Variants in MTUS1 observed in about 807,000 individuals in gnomAD.
MTUS1 encodes the protein microtubule associated scaffold protein 1, also known as microtubule-associated tumor suppressor 1.
In MTUS1, 109 loss-of-function variants were observed where a neutral mutation model predicts 120.8. The ratio of observed to expected loss-of-function variants is 0.90; its 90% CI spans 0.77 to 1.06. MTUS1 has a LOEUF of 1.06. Among genes scored for constraint, MTUS1 ranks in the 50% least tolerant of loss-of-function variants. The probability of loss-of-function intolerance (pLI) is 0.00; values close to 1 mark genes in which losing one functional copy is unlikely to be tolerated. For synonymous variants in MTUS1, 737 were observed against 550.5 expected (o/e 1.34, Z -4.74); for missense variants, 2,210 against 1,486.3 (o/e 1.49, Z -8.01).
In MTUS1 at chr8:17,655,826, G is replaced by A. The variant is rs927390611; in HGVS notation, c.3108+37C>T. ...GCAACCAGGATTCAAGTAAGCAGCAGAGGCCTCAGACAAGCTCTGGCTGCA... is the reference window on the plus strand; with the variant it reads ...GCAACCAGGATTCAAGTAAGCAGCAAAGGCCTCAGACAAGCTCTGGCTGCA... On this transcript the variant is annotated intron_variant, in intron 9 of 14. Coordinates refer to ENST00000693296, the MANE Select transcript of MTUS1 (RefSeq NM_001363059.2). 1.6e-5 allele frequency: 26 copies of A among 1,583,328 alleles called. No homozygotes were observed. The Admixed American group carries it at 3.0e-4, about 18-fold the overall frequency.
At chr8:17,677,549 T>C (rs10503602) in intron 7 of MTUS1, among the ~76,000 whole-genome samples, 72,745 of 152,046 alleles carry the variant, frequency 0.48, 20,151 homozygotes, top group Middle Eastern at 0.66. Context: ...GAAATCATTA[T>C]GTTCTACTGC....
intron 6 of MTUS1, 73 bp downstream of exon 6, chr8:17,713,141 A>G: frequency 8.2e-7 from 1 of 1,213,708 alleles, no homozygotes; most frequent in South Asian, 1.3e-5. Context: ...GTAAAAAATC[A>G]CTGTAAATAC....
intron 1 of MTUS1, among the ~76,000 whole-genome samples, chr8:17,780,037 TG>T (rs1445489320): frequency 1.3e-5 from 2 of 152,200 alleles, no homozygotes; most frequent in East Asian, 3.9e-4. Context: ...TGGGGCCTGG[TG>T]GGAGATGACT....
At chr8:17,739,665 G>C (rs1239724175) in intron 3 of MTUS1, among the ~76,000 whole-genome samples, 1 of 152,092 alleles carries the variant, frequency 6.6e-6, no homozygotes, top group African/African-American at 2.4e-5. Flanking sequence ...CTTTTCTGTG[G>C]AAGATTCCTT....
chr8:17,714,999 G>A (rs574834948), intron 5 of MTUS1, among the ~76,000 whole-genome samples: 1 of 143,558 alleles, frequency 7.0e-6, no homozygotes, highest in Admixed American at 7.5e-5. Flanking sequence ...TCTGCCTCCT[G>A]GGTTCAAGCA....
chr8:17,786,847 G>C (rs1191368697), intron 1 of MTUS1, among the ~76,000 whole-genome samples: 1 of 152,164 alleles, frequency 6.6e-6, no homozygotes, highest in Non-Finnish European at 1.5e-5. Flanking sequence ...TATCACAAGA[G>C]ACTTTCGCTC....
intron 1 of MTUS1, among the ~76,000 whole-genome samples, chr8:17,760,083 G>A (rs1034618706): frequency 6.8e-6 from 1 of 147,300 alleles, no homozygotes; most frequent in East Asian, 2.0e-4. Flanking sequence ...TAGCACGGTG[G>A]TGCATGCCTG....
At chr8:17,760,798 G>C (rs1400394842) in intron 1 of MTUS1, among the ~76,000 whole-genome samples, 1 of 132,164 alleles carries the variant, frequency 7.6e-6, no homozygotes, top group African/African-American at 2.8e-5. Context: ...CAGAGAGTGT[G>C]CTGGAGGGAA....
chr8:17,723,688 G>A lies in MTUS1; in HGVS notation c.2433C>T (p.Ser811=), dbSNP rs888740148. 6.2e-7 allele frequency: 1 copy of A among 1,610,588 alleles called. No homozygotes were observed. Among genetic ancestry groups the A allele is most frequent in the Non-Finnish European group, 8.5e-7 (1 of 1,177,552 alleles). The change falls in exon 4 of 15, where the codon AGC becomes AGT. Residue 811 remains serine, a synonymous_variant. Transcript: ENST00000693296. The part of the protein sequence containing the change: ...PSIASTHSEL[S]TYSNNSGNAA... ...TCGACTTACAATTGTTGCTGTAAGT[G>A]CTCAGCTCACTGTGGGTGCTGGCTA... is the stretch of plus-strand genomic sequence containing the variant.
chr8:17,733,244 G>C (rs770076882), intron 3 of MTUS1, among the ~76,000 whole-genome samples: 2 of 151,864 alleles, frequency 1.3e-5, no homozygotes, highest in South Asian at 2.1e-4. Flanking sequence ...TCAGCTACTC[G>C]GTAGGCTGAG....
At chr8:17,784,928 G>C (rs1353648487) in intron 1 of MTUS1, among the ~76,000 whole-genome samples, 1 of 151,972 alleles carries the variant, frequency 6.6e-6, no homozygotes, top group African/African-American at 2.4e-5. Flanking sequence ...GGGATTATAA[G>C]TGTGCACCAC....
chr8:17,726,680 T>C (rs754715460), intron 3 of MTUS1, among the ~76,000 whole-genome samples: 2 of 152,202 alleles, frequency 1.3e-5, no homozygotes, highest in African/African-American at 2.4e-5. Context: ...AACTGTTAGA[T>C]AGCAAATACA....
At chr8:17,717,214 G>T (rs1036208252) in intron 4 of MTUS1, among the ~76,000 whole-genome samples, 1 of 152,154 alleles carries the variant, frequency 6.6e-6, no homozygotes. Context: ...AATCAACACA[G>T]AGCTTTCCCT....
intron 1 of MTUS1, among the ~76,000 whole-genome samples, chr8:17,776,908 T>C (rs1171855990): frequency 6.6e-6 from 1 of 152,132 alleles, no homozygotes; most frequent in African/African-American, 2.4e-5. Flanking sequence ...AAGACCTAAT[T>C]GTAATTGCGC....
At chr8:17,724,766 C>CT (rs1255181953) in intron 3 of MTUS1, among the ~76,000 whole-genome samples, 4 of 152,158 alleles carry the variant, frequency 2.6e-5, no homozygotes, top group African/African-American at 9.7e-5. Context: ...ATTTTCTCTA[C>CT]TTTCCTCTAA....
chr8:17,767,818 C>T (rs967001811), intron 1 of MTUS1, among the ~76,000 whole-genome samples: 1 of 151,768 alleles, frequency 6.6e-6, no homozygotes, highest in Non-Finnish European at 1.5e-5. Context: ...AAGAGTTTGG[C>T]TTCTACTCTG....
chr8:17,684,301 G>A, intron 7 of MTUS1, 27 bp downstream of exon 7: 1 of 1,586,304 alleles, frequency 6.3e-7, no homozygotes, highest in Non-Finnish European at 8.7e-7. Context: ...CAAGTAGAAA[G>A]GCTCTTTCTA....
chr8:17,789,902 G>A (rs1041082328), intron 1 of MTUS1, among the ~76,000 whole-genome samples: 17 of 152,154 alleles, frequency 1.1e-4, no homozygotes, highest in Non-Finnish European at 1.8e-4. Context: ...AGCTGAAACT[G>A]TGGTTTTGTG....
intron 6 of MTUS1, among the ~76,000 whole-genome samples, chr8:17,701,549 C>T (rs1349556455): frequency 6.6e-6 from 1 of 151,918 alleles, no homozygotes; most frequent in Non-Finnish European, 1.5e-5. Context: ...ATATGTTCAT[C>T]GTAGAATTTT....
Sources: allele counts gnomAD v4.1 joint callset (sites outside exome capture counted in the v4.1 genomes callset), GRCh38; gene constraint gnomAD v4.1.1; transcripts MANE v1.5; gene names NCBI Gene and HGNC (gene_info 2026-07-23, HGNC 2026-07-21).